Variants in ANO10 observed in about 807,000 individuals in gnomAD.
ANO10 encodes anoctamin 10.
In ANO10, 77 loss-of-function variants were observed where a neutral mutation model predicts 74.7. The ratio of observed to expected loss-of-function variants is 1.03; its 90% CI spans 0.86 to 1.25. The LOEUF (loss-of-function observed/expected upper bound fraction) is 1.25. Among genes scored for constraint, ANO10 ranks in the 50% most tolerant of loss-of-function variants. ANO10 has a pLI of 0.00. For missense variants in ANO10, 721 were observed against 778.1 expected (o/e 0.93, Z 0.87); for synonymous variants, 279 against 284.9 (o/e 0.98, Z 0.21).
intron 11 of ANO10, among the ~76,000 whole-genome samples, chr3:43,513,476 T>C (rs944461530): frequency 2.6e-5 from 4 of 152,082 alleles, no homozygotes; most frequent in Non-Finnish European, 4.4e-5. Context: ...AGGAAAAATA[T>C]GGAATTTCAC....
intron 4 of ANO10, among the ~76,000 whole-genome samples, chr3:43,584,453 A>G (rs1012695194): frequency 6.6e-6 from 1 of 152,202 alleles, no homozygotes; most frequent in Non-Finnish European, 1.5e-5. Flanking sequence ...CTGACCCTGA[A>G]GGGAGAGCCG....
chr3:43,668,903 C>T (rs1450415643), intron 1 of ANO10, among the ~76,000 whole-genome samples: 1 of 152,014 alleles, frequency 6.6e-6, no homozygotes, highest in Non-Finnish European at 1.5e-5. Flanking sequence ...TTTAATTGAG[C>T]ATTAATTACA....
chr3:43,555,228 A>G, intron 10 of ANO10, 50 bp downstream of exon 10: 1 of 1,577,340 alleles, frequency 6.3e-7, no homozygotes, highest in Non-Finnish European at 8.7e-7. Flanking sequence ...CTGTCATAAC[A>G]CCTCGTATTT....
At chr3:43,687,124 T>C (rs1393623002) in intron 1 of ANO10, among the ~76,000 whole-genome samples, 1 of 152,148 alleles carries the variant, frequency 6.6e-6, no homozygotes, top group Admixed American at 6.5e-5. Flanking sequence ...CCACATTTGC[T>C]TTCTCAATAT....
intron 12 of ANO10, among the ~76,000 whole-genome samples, chr3:43,396,424 C>T (rs1259593429): frequency 5.9e-5 from 9 of 152,030 alleles, no homozygotes; most frequent in South Asian, 2.1e-4. Context: ...CTGCAACCTC[C>T]GCCTCCCAAG....
chr3:43,461,735 CCTT>C (rs1377920735), intron 11 of ANO10, among the ~76,000 whole-genome samples: 1 of 152,162 alleles, frequency 6.6e-6, no homozygotes, highest in Non-Finnish European at 1.5e-5. Context: ...AATTAAGCCT[CCTT>C]CTTTTATAAA....
intron 11 of ANO10, among the ~76,000 whole-genome samples, chr3:43,483,192 CT>C (rs2076338171): frequency 6.6e-6 from 1 of 152,156 alleles, no homozygotes; most frequent in South Asian, 2.1e-4. Flanking sequence ...AAGAAAATGT[CT>C]TTGTTTATTT....
intron 12 of ANO10, among the ~76,000 whole-genome samples, chr3:43,423,501 G>A (rs954541107): frequency 1.3e-5 from 2 of 152,162 alleles, no homozygotes; most frequent in African/African-American, 2.4e-5. Context: ...AACTATAGTG[G>A]GGCAAATGAA....
intron 8 of ANO10, 63 bp downstream of exon 8, chr3:43,565,590 C>G: frequency 3.2e-6 from 4 of 1,257,722 alleles, no homozygotes; most frequent in Non-Finnish European, 3.3e-6. Context: ...ATTACAGCAT[C>G]TAAAGATAGA....
intron 12 of ANO10, among the ~76,000 whole-genome samples, chr3:43,377,251 A>G (rs952136170): frequency 2.0e-5 from 3 of 151,990 alleles, no homozygotes; most frequent in Admixed American, 2.0e-4. Flanking sequence ...ACACCCAGCT[A>G]ATTTTTTGCA....
chr3:43,544,624 CTCTACTAAAAATACAAA>C (rs2079098126), intron 11 of ANO10, among the ~76,000 whole-genome samples: 1 of 151,916 alleles, frequency 6.6e-6, no homozygotes, highest in Non-Finnish European at 1.5e-5. Context: ...GAAACCCCGT[CTCTACTAAAAATACAAA>C]TATTAGCCAA....
At chr3:43,455,440 G>A (rs996868295) in intron 11 of ANO10, among the ~76,000 whole-genome samples, 4 of 152,070 alleles carry the variant, frequency 2.6e-5, no homozygotes, top group African/African-American at 9.7e-5. Flanking sequence ...CCATGGATGT[G>A]GAAGGAGTGA....
At chr3:43,391,696 G>C (rs59433561) in intron 12 of ANO10, among the ~76,000 whole-genome samples, 3,575 of 152,284 alleles carry the variant, frequency 0.023, 146 homozygotes, top group African/African-American at 0.081. Context: ...GGGTGGCCCT[G>C]AGGAGAGGTC....
intron 1 of ANO10, among the ~76,000 whole-genome samples, chr3:43,621,182 G>A (rs991808090): frequency 2.0e-5 from 3 of 152,144 alleles, no homozygotes; most frequent in Admixed American, 6.5e-5. Flanking sequence ...TGGAATATAA[G>A]GTTTTACAGA....
intron 11 of ANO10, among the ~76,000 whole-genome samples, chr3:43,467,051 G>A (rs1467681339): frequency 6.6e-6 from 1 of 152,110 alleles, no homozygotes; most frequent in Non-Finnish European, 1.5e-5. Context: ...AAATATCAAT[G>A]CATCTATCAG....
Position 43,552,705 on chromosome 3 carries a change from T to G in ANO10, c.1668+2573A>C, listed in dbSNP as rs978539121. Among the ~76,000 whole-genome samples, 86 of 89,854 alleles carry G rather than the reference T, an allele frequency of 9.6e-4. 2 individuals carry two copies. Among genetic ancestry groups the G allele is most frequent in the African/African-American group, 4.1e-3 (77 of 18,834 alleles). The allele number at this position is 89,854 out of a possible 152,430, so 58.9% of individuals were successfully genotyped here. ...GAAAAATATTATCTCTGGATATATA[T>G]ATATATATATATATATATATATATG... On this transcript the variant is annotated intron_variant, in intron 10 of 12. Transcript: ENST00000292246.
At chr3:43,456,182 G>A (rs968495092) in intron 11 of ANO10, among the ~76,000 whole-genome samples, 9 of 152,174 alleles carry the variant, frequency 5.9e-5, no homozygotes, top group Admixed American at 5.2e-4. Flanking sequence ...TAGGAGGAAA[G>A]GAAAAGGACG....
At chr3:43,427,592 G>C (rs1311790081) in intron 12 of ANO10, among the ~76,000 whole-genome samples, 13 of 152,144 alleles carry the variant, frequency 8.5e-5, no homozygotes, top group Admixed American at 8.5e-4. Flanking sequence ...TTAATAGTGA[G>C]ACTTCACCCA....
chr3:43,569,133 CAAG>C (rs1168136824), intron 7 of ANO10, among the ~76,000 whole-genome samples: 1 of 149,186 alleles, frequency 6.7e-6, no homozygotes, highest in African/African-American at 2.5e-5. Flanking sequence ...AAGACTAAAC[CAAG>C]AAGAAGTTGA....
Sources: allele counts gnomAD v4.1 joint callset (sites outside exome capture counted in the v4.1 genomes callset), GRCh38; gene constraint gnomAD v4.1.1; transcripts MANE v1.5; gene names NCBI Gene and HGNC (gene_info 2026-07-23, HGNC 2026-07-21).